AK5: variants seen among roughly 807,000 people sequenced by gnomAD.
The protein encoded by AK5 is adenylate kinase isoenzyme 5.
In AK5, 27 loss-of-function variants were observed where a neutral mutation model predicts 69.5. The observed-to-expected ratio is 0.39, with a 90% CI of 0.29 to 0.54. The LOEUF is 0.54. Among genes scored for constraint, AK5 ranks in the 20% least tolerant of loss-of-function variants. AK5 has a pLI of 0.71. For synonymous variants in AK5, 260 were observed against 244.4 expected (o/e 1.06, Z -0.60); for missense variants, 531 against 700.4 (o/e 0.76, Z 2.73).
intron 8 of AK5, among the ~76,000 whole-genome samples, chr1:77,462,618 G>A (rs547600174): frequency 6.6e-6 from 1 of 152,176 alleles, no homozygotes; most frequent in Admixed American, 6.5e-5. Flanking sequence ...CACATAATAT[G>A]TTATGAATCT....
At chr1:77,532,034 C>T (rs955113452) in intron 12 of AK5, 1 of 152,004 alleles carries the variant, frequency 6.6e-6, no homozygotes, top group African/African-American at 2.4e-5. Context: ...TCGCGGAATC[C>T]ACGCCCACCT....
chr1:77,503,640 A>C (rs1656853572), intron 10 of AK5, among the ~76,000 whole-genome samples: 1 of 152,092 alleles, frequency 6.6e-6, no homozygotes, highest in African/African-American at 2.4e-5. Flanking sequence ...AGTGGCTCAA[A>C]CCTATAATCC....
chr1:77,296,676 A>G (rs762306881), intron 3 of AK5, among the ~76,000 whole-genome samples: 2 of 152,204 alleles, frequency 1.3e-5, no homozygotes, highest in Non-Finnish European at 2.9e-5. Flanking sequence ...AATTGGTCAG[A>G]TAATTTTTTT....
intron 8 of AK5, among the ~76,000 whole-genome samples, chr1:77,427,609 C>T (rs929643202): frequency 2.6e-5 from 4 of 152,144 alleles, no homozygotes; most frequent in Admixed American, 2.0e-4. Context: ...TATTTTCTAA[C>T]TCATTCTATG....
At chr1:77,458,491 C>T (rs1167260500) in intron 8 of AK5, among the ~76,000 whole-genome samples, 1 of 152,162 alleles carries the variant, frequency 6.6e-6, no homozygotes, top group Non-Finnish European at 1.5e-5. Flanking sequence ...TGAGACTGAT[C>T]AATTTACAAA....
intron 13 of AK5, 109 bp from the exon 14 acceptor site, chr1:77,558,493 T>G: frequency 3.0e-6 from 2 of 670,788 alleles, no homozygotes; most frequent in Non-Finnish European, 5.1e-6. Flanking sequence ...GGGTCTTGTG[T>G]TTTAAAATTT....
chr1:77,421,665 T>C (rs1012653715), intron 8 of AK5, among the ~76,000 whole-genome samples: 1 of 152,188 alleles, frequency 6.6e-6, no homozygotes, highest in African/African-American at 2.4e-5. Context: ...GAGATGGGTT[T>C]GTTGAGCACC....
chr1:77,412,218 T>C (rs1432391680), intron 7 of AK5, among the ~76,000 whole-genome samples: 1 of 152,156 alleles, frequency 6.6e-6, no homozygotes, highest in East Asian at 1.9e-4. Flanking sequence ...GTTTCTCCAC[T>C]AGGGAGCCTT....
chr1:77,294,187 T>C (rs912470193), intron 3 of AK5, among the ~76,000 whole-genome samples: 2 of 152,192 alleles, frequency 1.3e-5, no homozygotes, highest in African/African-American at 2.4e-5. Context: ...AGATTCCCAA[T>C]AAAAGGTCAT....
At chr1:77,378,629 A>G (rs566994193) in intron 6 of AK5, among the ~76,000 whole-genome samples, 2 of 152,326 alleles carry the variant, frequency 1.3e-5, no homozygotes, top group South Asian at 4.1e-4. Context: ...CCAGTATAAT[A>G]GTATTTGAAG....
intron 1 of AK5, 59 bp downstream of exon 1, chr1:77,282,432 G>C: frequency 6.6e-7 from 1 of 1,514,524 alleles, no homozygotes; most frequent in Admixed American, 2.1e-5. Context: ...CAGGGGTTCG[G>C]GTTGAGGCAG....
intron 8 of AK5, among the ~76,000 whole-genome samples, chr1:77,449,304 G>C (rs574231623): frequency 1.3e-5 from 2 of 152,350 alleles, no homozygotes; most frequent in Admixed American, 1.3e-4. Context: ...AGTGTGGCCT[G>C]GATGTGAGAC....
intron 1 of AK5, among the ~76,000 whole-genome samples, chr1:77,283,777 A>G (rs1006820794): frequency 2.6e-5 from 4 of 152,208 alleles, no homozygotes; most frequent in Non-Finnish European, 5.9e-5. Flanking sequence ...CAAAAAGTAA[A>G]TATGGAAATT....
intron 12 of AK5, among the ~76,000 whole-genome samples, chr1:77,526,955 G>A (rs1570312897): frequency 6.6e-6 from 1 of 151,868 alleles, no homozygotes; most frequent in African/African-American, 2.4e-5. Context: ...TGAGTCTGAA[G>A]GCAAACCCCA....
At chr1:77,510,141 CCACAGGCTCCTGGA>C (rs67257855) in intron 10 of AK5, among the ~76,000 whole-genome samples, 19,014 of 152,124 alleles carry the variant, frequency 0.12, 1,590 homozygotes, top group Admixed American at 0.19. Context: ...TTTTGTGGGG[CCACAGGCTCCTGGA>C]CACTGGCTCT....
chr1:77,314,940 C>T (rs1389992807), intron 5 of AK5: 2 of 152,052 alleles, frequency 1.3e-5, no homozygotes, highest in Non-Finnish European at 2.9e-5. Context: ...TATTGAGATG[C>T]TATCATGTTC....
intron 8 of AK5, among the ~76,000 whole-genome samples, chr1:77,475,380 A>T (rs190663397): frequency 0.039 from 1,888 of 47,898 alleles, 58 homozygotes; most frequent in South Asian, 0.1. Flanking sequence ...AATATATATT[A>T]TATATATGTA....
At chr1:77,467,415 G>C (rs908021805) in intron 8 of AK5, among the ~76,000 whole-genome samples, 57 of 152,196 alleles carry the variant, frequency 3.7e-4, no homozygotes, top group African/African-American at 1.4e-3. Flanking sequence ...TCAGTAATAA[G>C]TAGAAAATGA....
chr1:77,312,380 C>T (rs1200558657), intron 5 of AK5, among the ~76,000 whole-genome samples: 2 of 151,916 alleles, frequency 1.3e-5, no homozygotes, highest in East Asian at 1.9e-4. Context: ...TTTGGGAGGC[C>T]GAGGCAGGTG....
Sources: gnomAD v4.1 joint callset for allele counts (sites outside exome capture counted in the v4.1 genomes callset) on GRCh38, gnomAD v4.1.1 for gene constraint, MANE v1.5 for transcripts, NCBI Gene and HGNC (gene_info 2026-07-23, HGNC 2026-07-21) for gene names.